Variants in ADAM7 observed in about 807,000 individuals in gnomAD.
ADAM7 encodes the protein disintegrin and metalloproteinase domain-containing protein 7.
A neutral mutation model predicts 102.9 loss-of-function variants in ADAM7; 97 were observed. The observed-to-expected ratio is 0.94, with a 90% CI of 0.80 to 1.12. The LOEUF is 1.12. ADAM7 is among the 50% of genes most tolerant of loss of function. ADAM7 has a pLI of 0.00. For synonymous variants in ADAM7, 334 were observed against 304.4 expected, an observed-to-expected ratio of 1.10 and a Z score of -1.01; for missense variants, 991 against 908.7, an observed-to-expected ratio of 1.09 and a Z score of -1.16.
chr8:24,501,345 C>A, intron 19 of ADAM7, 132 bp from the exon 20 acceptor site: 1 of 605,134 alleles, frequency 1.7e-6, no homozygotes, highest in Non-Finnish European at 2.8e-6. Flanking sequence ...AGCATTATTT[C>A]AATATATTTA....
rs775952576 is a variant in ADAM7 at position 24,493,152 on chromosome 8, T to C, written c.1765T>C (p.Cys589Arg). ...KDPQKNATVK[C>R]KTIFLYHDST... ...TCCCCAGAAGAATGCTACTGTCAAA[T>C]GCAAAACTATTTTTTTATACCATGA... The change falls in exon 16 of 22, where the codon TGC becomes CGC. Residue 589 changes from cysteine to arginine, a missense_variant. Physicochemically the swap from Cys to Arg is radical, Grantham distance 180. Coordinates refer to ENST00000175238, the MANE Select transcript of ADAM7 (RefSeq NM_003817.4). 1 of 1,613,452 alleles carries C rather than the reference T, an allele frequency of 6.2e-7. No homozygotes were observed. Among genetic ancestry groups the C allele is most frequent in the South Asian group, 1.1e-5 (1 of 90,980 alleles).
At position 24,493,110 on chromosome 8, in the gene ADAM7, A is replaced by G. The variant is rs1262171226; in HGVS notation, c.1723A>G (p.Thr575Ala). ...ELSSLLGEDK[T>A]YHLKDPQKNA... ...TTCCTCTCTCCTTGGAGAAGACAAGACTTATCACCTTAAGGATCCCCAGAA... is the reference window on the plus strand; with the variant it reads ...TTCCTCTCTCCTTGGAGAAGACAAGGCTTATCACCTTAAGGATCCCCAGAA... Residue 575 changes from threonine (T) to alanine (A), a missense_variant, in exon 16 of 22, where the codon ACT becomes GCT. Coordinates refer to ENST00000175238, the MANE Select transcript of ADAM7 (RefSeq NM_003817.4). 3 of 1,613,056 alleles carry G rather than the reference A, an allele frequency of 1.9e-6. No individual in the cohort carries two copies. In the African/African-American group the frequency reaches 4.0e-5, roughly 22 times the overall value.
At position 24,465,772 on chromosome 8, in the gene ADAM7, T is replaced by C; in HGVS notation, c.386T>C (p.Leu129Pro). 2 of 1,596,826 alleles carry C rather than the reference T, an allele frequency of 1.3e-6. No individual in the cohort carries two copies. Among genetic ancestry groups the C allele is most frequent in the Non-Finnish European group, 1.7e-6 (2 of 1,171,242 alleles). The change falls in exon 5 of 22, where the codon CTA becomes CCA. Residue 129 changes from leucine (L) to proline (P), a missense_variant. By Grantham distance (98) the Leu-to-Pro change is moderately conservative (BLOSUM62 -3). Coordinates refer to ENST00000175238, the MANE Select transcript of ADAM7 (RefSeq NM_003817.4). The part of the protein sequence containing the change: ...SAASISTCNG[L>P]RGFFRINDQR... ...GCCAGTATCAGTACGTGTAATGGTC[T>C]AAGGTAATGCAGAATATCTTTCTTT... is the stretch of plus-strand genomic sequence containing the variant.
Position 24,507,301 on chromosome 8 carries a change from GAATTTACAAACTGTCTTAAGC to G in ADAM7, c.2209-161_2209-141del, listed in dbSNP as rs766319532. Among the ~76,000 whole-genome samples the G allele has an allele frequency of 9.3e-4, 142 of 151,982 alleles. No homozygotes were observed. The Middle Eastern group carries it at 0.01, about 11-fold the overall frequency. On this transcript the variant is annotated intron_variant, in intron 20 of 21. Transcript: ENST00000175238. ...ATCCTCCTCTCCCTCAATCCCATAG[GAATTTACAAACTGTCTTAAGC>G]AATTTACAAACTGTCTTGGATTTTT...
intron 4 of ADAM7, among the ~76,000 whole-genome samples, chr8:24,465,492 C>G (rs916518085): frequency 3.3e-5 from 5 of 152,152 alleles, no homozygotes; most frequent in Non-Finnish European, 7.4e-5. Context: ...CTTTACACAA[C>G]ATAATCACAT....
intron 7 of ADAM7, 37 bp from the exon 8 acceptor site, chr8:24,476,393 CTAT>C: frequency 7.0e-7 from 1 of 1,423,286 alleles, no homozygotes; most frequent in Non-Finnish European, 9.7e-7. Context: ...TATGCAACTC[CTAT>C]TATTAATGAA....
At chr8:24,485,759 G>C (rs1820120658) in intron 10 of ADAM7, among the ~76,000 whole-genome samples, 1 of 152,084 alleles carries the variant, frequency 6.6e-6, no homozygotes, top group Admixed American at 6.6e-5. Flanking sequence ...ATCATATCAA[G>C]ACAACCTTTC....
At chr8:24,467,840 C>T (rs567069638) in intron 6 of ADAM7, among the ~76,000 whole-genome samples, 4 of 151,864 alleles carry the variant, frequency 2.6e-5, no homozygotes, top group East Asian at 3.9e-4. Flanking sequence ...TGAGGCGGGC[C>T]GATCATCTGA....
Position 24,458,221 on chromosome 8 carries a change from G to A in ADAM7, c.234-5661G>A, listed in dbSNP as rs189762378. Among the ~76,000 whole-genome samples the A allele has an allele frequency of 2.6e-5, 4 of 152,198 alleles. No individual in the cohort carries two copies. The East Asian group carries it at 5.8e-4, about 22-fold the overall frequency. ...CCTGGCAATTTCTATTAAAAGGCCC[G>A]CTGCAATTTTACTGAATTTCATTTT... On this transcript the variant is annotated intron_variant, in intron 3 of 21. Coordinates refer to ENST00000175238, the MANE Select transcript of ADAM7 (RefSeq NM_003817.4).
chr8:24,453,384 G>A (rs549122833), intron 3 of ADAM7, among the ~76,000 whole-genome samples: 15 of 151,796 alleles, frequency 9.9e-5, no homozygotes, highest in South Asian at 2.1e-4. Flanking sequence ...TTCCCTTCTC[G>A]CTTCATTTCA....
intron 9 of ADAM7, among the ~76,000 whole-genome samples, chr8:24,485,074 G>T (rs1002100043): frequency 1.3e-5 from 2 of 152,004 alleles, no homozygotes; most frequent in Non-Finnish European, 2.9e-5. Flanking sequence ...AAGTGCACTG[G>T]CTTTTTCAAT....
intron 16 of ADAM7, among the ~76,000 whole-genome samples, chr8:24,494,021 C>T (rs919804564): frequency 6.6e-6 from 1 of 152,066 alleles, no homozygotes; most frequent in Admixed American, 6.6e-5. Context: ...ATAGCTGGCT[C>T]ATAAAGAATA....
Position 24,508,880 on chromosome 8 carries a change from G to A in ADAM7, c.*334G>A. On this transcript the variant is annotated 3_prime_UTR_variant, in exon 22 of 22. Transcript: ENST00000175238. Reference sequence around the variant, plus strand: ...TTTCTTTTAAGAATCCAAACTTTAAGGATGATAACTTACAGTCTAAGAAGA... The same window carrying A: ...TTTCTTTTAAGAATCCAAACTTTAAAGATGATAACTTACAGTCTAAGAAGA... 1 of 1,147,884 alleles carries A rather than the reference G, an allele frequency of 8.7e-7. No homozygotes were observed. Among genetic ancestry groups the A allele is most frequent in the Non-Finnish European group, 1.1e-6 (1 of 935,336 alleles). 71.1% of individuals were successfully genotyped at this position (1,147,884 alleles called of 1,614,324 possible).
intron 21 of ADAM7, 62 bp from the exon 22 acceptor site, chr8:24,508,484 A>G (rs1821024651): frequency 6.5e-7 from 1 of 1,532,876 alleles, no homozygotes; most frequent in Admixed American, 1.7e-5. Flanking sequence ...TGAGTAATGG[A>G]AATACATGGT....
In ADAM7 at chr8:24,500,378, T is replaced by C. The variant is rs1820716866; in HGVS notation, c.2002+122T>C. 4.6e-6 allele frequency: 4 copies of C among 868,790 alleles called. No individual in the cohort carries two copies. In the South Asian group the frequency reaches 5.7e-5, roughly 12 times the overall value. The allele number at this position is 868,790 out of a possible 1,614,324, so 53.8% of individuals were successfully genotyped here. ...TTGATATGGATTTGTATGGTCTTCA[T>C]ATTATTGTGCATGAATACCCAAATT... On this transcript the variant is annotated intron_variant, in intron 18 of 21. Coordinates refer to ENST00000175238, the MANE Select transcript of ADAM7 (RefSeq NM_003817.4).
At chr8:24,444,562 G>A (rs1818483872) in intron 2 of ADAM7, among the ~76,000 whole-genome samples, 1 of 151,932 alleles carries the variant, frequency 6.6e-6, no homozygotes, top group South Asian at 2.1e-4. Flanking sequence ...TTTCTATTAT[G>A]GCTCTCACCT....
rs6980829 is a variant in ADAM7 at position 24,501,572 on chromosome 8, T to C, written c.2204T>C (p.Leu735Pro). The C allele has an allele frequency of 3.8e-3, 5,990 of 1,584,158 alleles. 210 individuals are homozygous for C. In the African/African-American group the frequency reaches 0.073, roughly 19 times the overall value. ...TEPILPEIHF[L>P]NKPASKDSRG... Reference sequence around the variant, plus strand: ...CCAATCCTGCCAGAAATTCATTTCCTAAATGTAAGAAACTTCCATTTGCAA... The same window carrying C: ...CCAATCCTGCCAGAAATTCATTTCCCAAATGTAAGAAACTTCCATTTGCAA... The change falls in exon 20 of 22, where the codon CTA becomes CCA. Residue 735 changes from leucine to proline, a missense_variant. Coordinates refer to ENST00000175238, the MANE Select transcript of ADAM7 (RefSeq NM_003817.4).
chr8:24,441,256 A>G, intron 1 of ADAM7, 96 bp downstream of exon 1: 1 of 1,243,086 alleles, frequency 8.0e-7, no homozygotes, highest in South Asian at 1.2e-5. Context: ...AAAAACATTA[A>G]ACGTTGATGA....
rs1818410295 is a variant in ADAM7 at position 24,442,536 on chromosome 8, A to C, written c.116A>C (p.Gln39Pro). The C allele has an allele frequency of 1.2e-6, 2 of 1,614,160 alleles. No homozygotes were observed. The highest frequency in any genetic ancestry group is 2.2e-5 in the East Asian group (1 of 44,874). ...CGTCCTAAAAAGCTTCCTCTGATAC[A>C]GAAGCGAGATACTGGACACACCCAT... The part of the protein sequence containing the change: ...LVRPKKLPLI[Q>P]KRDTGHTHDD... Residue 39 changes from glutamine to proline, a missense_variant, in exon 2 of 22, where the codon CAG (glutamine) becomes CCG (proline). Gln to Pro is a moderately conservative substitution (Grantham distance 76). Transcript: ENST00000175238.
Sources: allele counts gnomAD v4.1 joint callset (sites outside exome capture counted in the v4.1 genomes callset), GRCh38; gene constraint gnomAD v4.1.1; transcripts MANE v1.5; gene names NCBI Gene and HGNC (gene_info 2026-07-23, HGNC 2026-07-21).